Variants in SRPRB observed in about 807,000 individuals in gnomAD.
SRPRB encodes SRP receptor subunit beta.
SRPRB carries 20 observed loss-of-function variants against 31.9 expected under a neutral mutation model. The ratio of observed to expected loss-of-function variants is 0.63; its 90% CI spans 0.44 to 0.91. SRPRB has a LOEUF of 0.91. Among genes scored for constraint, SRPRB ranks in the 40% least tolerant of loss-of-function variants. SRPRB has a pLI of 0.00. For missense variants in SRPRB, 321 were observed against 324.9 expected (o/e 0.99, Z 0.09); for synonymous variants, 146 against 132.8 (o/e 1.10, Z -0.68).
intron 6 of SRPRB, among the ~76,000 whole-genome samples, chr3:133,818,491 G>T (rs190353726): frequency 6.6e-6 from 1 of 152,208 alleles, no homozygotes; most frequent in East Asian, 1.9e-4. Flanking sequence ...TGAGAATTAG[G>T]CCCTGTTAGC....
At chr3:133,815,326 T>G (rs755867166) in intron 4 of SRPRB, among the ~76,000 whole-genome samples, 10 of 152,172 alleles carry the variant, frequency 6.6e-5, no homozygotes, top group Non-Finnish European at 1.3e-4. Flanking sequence ...ATCATATGGT[T>G]CTCTATATGA....
chr3:133,816,955 G>A (rs1028231323), intron 6 of SRPRB, 23 bp downstream of exon 6: 4 of 1,599,054 alleles, frequency 2.5e-6, no homozygotes, highest in African/African-American at 2.7e-5. Context: ...GAGGCCTGTT[G>A]GTTAATTATA....
At chr3:133,787,507 T>C (rs550483058) in intron 1 of SRPRB, 2 of 152,358 alleles carry the variant, frequency 1.3e-5, no homozygotes, top group East Asian at 1.9e-4. Flanking sequence ...TCTCTCTAGA[T>C]AGTTAGAAAT....
chr3:133,817,426 A>G (rs1403586069), intron 6 of SRPRB, among the ~76,000 whole-genome samples: 1 of 152,260 alleles, frequency 6.6e-6, no homozygotes, highest in Non-Finnish European at 1.5e-5. Context: ...CAGAACACTG[A>G]GGAAGACTAC....
At chr3:133,807,612 C>T in intron 2 of SRPRB, 134 bp from the exon 3 acceptor site, 1 of 629,230 alleles carries the variant, frequency 1.6e-6, no homozygotes, top group Non-Finnish European at 2.8e-6. Flanking sequence ...TAAAAAAAAT[C>T]AATATCGTCT....
chr3:133,784,250 T>C (rs1934590105), intron 1 of SRPRB: 1 of 152,166 alleles, frequency 6.6e-6, no homozygotes, highest in South Asian at 2.1e-4. Flanking sequence ...TAAGAATAAC[T>C]TGCGCCATTA....
chr3:133,822,942 T>C (rs1935498276), downstream of SRPRB, among the ~76,000 whole-genome samples: 1 of 152,338 alleles, frequency 6.6e-6, no homozygotes, highest in African/African-American at 2.4e-5. Context: ...CATTTATCCA[T>C]TGGGTAAAGG....
intron 1 of SRPRB, among the ~76,000 whole-genome samples, chr3:133,799,220 G>A (rs1935025631): frequency 6.6e-6 from 1 of 152,100 alleles, no homozygotes; most frequent in Non-Finnish European, 1.5e-5. Context: ...GCACTTCTAG[G>A]AATATATCCC....
chr3:133,784,238 T>C (rs1198924719), intron 1 of SRPRB: 3 of 152,080 alleles, frequency 2.0e-5, no homozygotes, highest in African/African-American at 7.2e-5. Flanking sequence ...AAAAGAGAAG[T>C]GTAAGAATAA....
intron 4 of SRPRB, among the ~76,000 whole-genome samples, chr3:133,814,132 ATTTTT>A (rs928130359): frequency 7.3e-6 from 1 of 137,858 alleles, no homozygotes; most frequent in Non-Finnish European, 1.6e-5. Context: ...TAAGGCTTGT[ATTTTT>A]TTTTTTTTTT....
chr3:133,799,681 T>C (rs1935033840), intron 1 of SRPRB, among the ~76,000 whole-genome samples: 2 of 152,192 alleles, frequency 1.3e-5, no homozygotes, highest in Admixed American at 1.3e-4. Flanking sequence ...TGCAATTGTG[T>C]ATTTTAAGGT....
chr3:133,800,250 C>A (rs1234638415), intron 1 of SRPRB, among the ~76,000 whole-genome samples: 5 of 152,204 alleles, frequency 3.3e-5, no homozygotes, highest in African/African-American at 4.8e-5. Flanking sequence ...AAACTGGGTG[C>A]CTGCTAAGAG....
intron 2 of SRPRB, 64 bp downstream of exon 2, chr3:133,806,767 T>C: frequency 8.1e-7 from 1 of 1,227,856 alleles, no homozygotes. Context: ...CCAGTATTCC[T>C]GTCATCTCAC....
chr3:133,806,724 C>G, intron 2 of SRPRB, 21 bp downstream of exon 2: 1 of 1,570,894 alleles, frequency 6.4e-7, no homozygotes, highest in Non-Finnish European at 8.8e-7. Context: ...TCATTGACAC[C>G]CCTGTTAAGC....
chr3:133,786,230 A>AAAAC (rs1559883678), intron 1 of SRPRB: 4 of 77,196 alleles, frequency 5.2e-5, no homozygotes, highest in South Asian at 6.0e-4. Context: ...ATTAAAAAAA[A>AAAAC]AAAAAAAAAA....
intron 2 of SRPRB, among the ~76,000 whole-genome samples, chr3:133,807,409 C>T (rs983272772): frequency 4.6e-5 from 7 of 152,044 alleles, no homozygotes; most frequent in Middle Eastern, 3.4e-3. Flanking sequence ...TGCAACACTA[C>T]GCCCGGCTGA....
upstream of SRPRB, among the ~76,000 whole-genome samples, chr3:133,801,151 A>G (rs942336883): frequency 7.9e-5 from 12 of 152,186 alleles, no homozygotes; most frequent in African/African-American, 2.7e-4. Flanking sequence ...TCCATTGTAC[A>G]TTGGAGCTTT....
intron 4 of SRPRB, among the ~76,000 whole-genome samples, chr3:133,811,902 G>T (rs143843126): frequency 1.2e-4 from 19 of 152,214 alleles, no homozygotes; most frequent in African/African-American, 4.3e-4. Context: ...CTCAAATTAC[G>T]TAAAATTGAT....
Position 133,816,870 on chromosome 3 carries a change from C to A in SRPRB, c.548-8C>A. 1 of 1,604,840 alleles carries A rather than the reference C, an allele frequency of 6.2e-7. No individual in the cohort carries two copies. The highest frequency in any genetic ancestry group is 1.1e-5 in the South Asian group (1 of 89,060). On this transcript the variant is annotated splice_region_variant and splice_polypyrimidine_tract_variant and intron_variant, in intron 5 of 6. Transcript: ENST00000678299. ...TTAAACTACAACAGTGTCTTTATTT[C>A]TTTACAGATATTGCAATGGCAAAAT... is the stretch of plus-strand genomic sequence containing the variant.
Sources: gnomAD v4.1 joint callset for allele counts (sites outside exome capture counted in the v4.1 genomes callset) on GRCh38, gnomAD v4.1.1 for gene constraint, MANE v1.5 for transcripts, NCBI Gene and HGNC (gene_info 2026-07-23, HGNC 2026-07-21) for gene names.